Variants in SIMC1 observed in about 807,000 individuals in gnomAD.
The protein encoded by SIMC1 is SUMO-interacting motif-containing protein 1.
Under a neutral mutation model 82.3 loss-of-function variants are expected in SIMC1, and 55 were observed. The ratio of observed to expected loss-of-function variants is 0.67; its 90% CI spans 0.54 to 0.84. The LOEUF (loss-of-function observed/expected upper bound fraction) is 0.84, where lower values mean the gene tolerates loss of function less well. Ranked by LOEUF, SIMC1 falls within the 40% of genes least tolerant of loss-of-function variation. The probability of loss-of-function intolerance (pLI) is 0.00; values close to 1 mark genes in which losing one functional copy is unlikely to be tolerated. For synonymous variants in SIMC1, 353 were observed against 426.3 expected (o/e 0.83, Z 2.12); for missense variants, 915 against 1,107.2 (o/e 0.83, Z 2.46).
intron 1 of SIMC1, among the ~76,000 whole-genome samples, chr5:176,247,878 G>A (rs1327063525): frequency 6.6e-6 from 1 of 151,866 alleles, no homozygotes; most frequent in East Asian, 1.9e-4. Context: ...TTTCCCCATT[G>A]CTTGTTTTTG....
chr5:176,313,578 C>T, intron 4 of SIMC1, 113 bp from the exon 5 acceptor site: 1 of 1,555,524 alleles, frequency 6.4e-7, no homozygotes, highest in Non-Finnish European at 8.8e-7. Flanking sequence ...TAAGCACAGG[C>T]ATACTTGTTG....
chr5:176,252,962 A>T (rs1761731578), intron 1 of SIMC1, among the ~76,000 whole-genome samples: 1 of 152,066 alleles, frequency 6.6e-6, no homozygotes, highest in South Asian at 2.1e-4. Context: ...ACGCTGCGAA[A>T]CCCTGTCTCC....
chr5:176,303,599 C>T (rs542599793), intron 4 of SIMC1, among the ~76,000 whole-genome samples: 9 of 152,272 alleles, frequency 5.9e-5, no homozygotes, highest in African/African-American at 1.9e-4. Flanking sequence ...GGATTACAGG[C>T]GTGAGCCACC....
intron 9 of SIMC1, among the ~76,000 whole-genome samples, chr5:176,341,485 C>T (rs1581338618): frequency 6.6e-6 from 1 of 152,236 alleles, no homozygotes; most frequent in East Asian, 1.9e-4. Flanking sequence ...TTAAAGGCTG[C>T]TCTACCTGAT....
At chr5:176,265,720 A>T (rs1297597229) in intron 1 of SIMC1, among the ~76,000 whole-genome samples, 2 of 152,224 alleles carry the variant, frequency 1.3e-5, no homozygotes, top group Non-Finnish European at 2.9e-5. Context: ...ATAATTTGTT[A>T]TCTGTGAAAG....
intron 4 of SIMC1, among the ~76,000 whole-genome samples, chr5:176,302,244 G>A (rs756702796): frequency 6.6e-6 from 1 of 152,078 alleles, no homozygotes; most frequent in South Asian, 2.1e-4. Flanking sequence ...GAACATGTGG[G>A]ATTTATTCCT....
At chr5:176,280,351 T>C (rs1278284747) in intron 1 of SIMC1, among the ~76,000 whole-genome samples, 1 of 152,220 alleles carries the variant, frequency 6.6e-6, no homozygotes, top group Non-Finnish European at 1.5e-5. Flanking sequence ...CATCCTTTTA[T>C]TTTGAGCCTA....
intron 1 of SIMC1, among the ~76,000 whole-genome samples, chr5:176,269,133 GA>G: frequency 6.6e-6 from 1 of 151,890 alleles, no homozygotes; most frequent in Admixed American, 6.5e-5. Context: ...TGTTAGAAAA[GA>G]AAAAAGTCTA....
chr5:176,288,594 T>C (rs1472399134), intron 1 of SIMC1, among the ~76,000 whole-genome samples: 4 of 152,176 alleles, frequency 2.6e-5, no homozygotes, highest in African/African-American at 7.2e-5. Flanking sequence ...GGTGATACTA[T>C]ATGGCTGCTT....
chr5:176,332,185 T>C (rs1174930606), intron 7 of SIMC1, among the ~76,000 whole-genome samples: 1 of 152,236 alleles, frequency 6.6e-6, no homozygotes, highest in African/African-American at 2.4e-5. Flanking sequence ...TCTTTCTTCC[T>C]CTTCTGGCTT....
chr5:176,279,922 G>A (rs1365491508), intron 1 of SIMC1, among the ~76,000 whole-genome samples: 4 of 151,916 alleles, frequency 2.6e-5, no homozygotes, highest in Non-Finnish European at 5.9e-5. Flanking sequence ...AATAGGTGTG[G>A]TGCGGTGCTG....
At chr5:176,343,136 C>A (rs1159290932) in intron 9 of SIMC1, among the ~76,000 whole-genome samples, 7 of 152,182 alleles carry the variant, frequency 4.6e-5, no homozygotes, top group African/African-American at 1.7e-4. Context: ...ATCATTTTAT[C>A]TGAAGGTTGA....
At chr5:176,324,969 AATT>A (rs1443649423) in intron 7 of SIMC1, among the ~76,000 whole-genome samples, 2 of 152,202 alleles carry the variant, frequency 1.3e-5, no homozygotes, top group Non-Finnish European at 2.9e-5. Flanking sequence ...GTTCTCAACT[AATT>A]ATTATTATTT....
At chr5:176,282,436 C>T (rs964569887) in intron 1 of SIMC1, among the ~76,000 whole-genome samples, 6 of 152,238 alleles carry the variant, frequency 3.9e-5, no homozygotes, top group African/African-American at 1.4e-4. Flanking sequence ...GCGCTGCACC[C>T]ACTGACCTGC....
At chr5:176,343,481 T>C (rs930092713) in intron 9 of SIMC1, among the ~76,000 whole-genome samples, 3 of 152,242 alleles carry the variant, frequency 2.0e-5, no homozygotes, top group Non-Finnish European at 4.4e-5. Flanking sequence ...ATGAGATACC[T>C]TTATAACTTT....
intron 1 of SIMC1, among the ~76,000 whole-genome samples, chr5:176,247,644 G>C (rs994314978): frequency 1.1e-4 from 17 of 152,082 alleles, no homozygotes; most frequent in Admixed American, 9.8e-4. Context: ...GGCTTTTGTT[G>C]CCATTGCTTT....
intron 1 of SIMC1, among the ~76,000 whole-genome samples, chr5:176,264,352 G>A (rs1036487304): frequency 1.3e-5 from 2 of 152,272 alleles, no homozygotes; most frequent in Admixed American, 6.5e-5. Flanking sequence ...TGCCCCTGTG[G>A]CAGGCTTCTG....
At chr5:176,252,236 C>G (rs1396768882) in intron 1 of SIMC1, among the ~76,000 whole-genome samples, 2 of 149,614 alleles carry the variant, frequency 1.3e-5, no homozygotes, top group Non-Finnish European at 3.0e-5. Context: ...ACCTCCCTCC[C>G]GGACGGGGCG....
intron 7 of SIMC1, among the ~76,000 whole-genome samples, chr5:176,326,133 A>G (rs1436967164): frequency 6.6e-6 from 1 of 152,172 alleles, no homozygotes; most frequent in East Asian, 1.9e-4. Context: ...CCTTGGGGAA[A>G]TTATGGTATA....
Sources: gnomAD v4.1 joint callset for allele counts (sites outside exome capture counted in the v4.1 genomes callset) on GRCh38, gnomAD v4.1.1 for gene constraint, MANE v1.5 for transcripts, NCBI Gene and HGNC (gene_info 2026-07-23, HGNC 2026-07-21) for gene names.